IL18: variants seen among roughly 807,000 people sequenced by gnomAD.
IL18 encodes interleukin-18.
IL18 carries 8 observed loss-of-function variants against 14.2 expected under a neutral mutation model. The ratio of observed to expected loss-of-function variants is 0.56; its 90% CI spans 0.33 to 1.01. IL18 has a LOEUF of 1.01. Ranked by LOEUF, IL18 falls within the 50% of genes least tolerant of loss-of-function variation. The pLI is 0.03. For missense variants in IL18, 166 were observed against 231.1 expected (o/e 0.72, Z 1.83); for synonymous variants, 67 against 71.0 (o/e 0.94, Z 0.28).
At chr11:112,152,145 T>A (rs1340623951) in intron 3 of IL18, among the ~76,000 whole-genome samples, 1 of 152,154 alleles carries the variant, frequency 6.6e-6, no homozygotes, top group Non-Finnish European at 1.5e-5. Flanking sequence ...GCGTCATCCA[T>A]CCTCCTCTTT....
chr11:112,147,429 CTAT>C (rs953033453), intron 5 of IL18, among the ~76,000 whole-genome samples: 2 of 152,226 alleles, frequency 1.3e-5, no homozygotes, highest in Non-Finnish European at 2.9e-5. Flanking sequence ...GAGTTTTCCT[CTAT>C]CCCACATAGC....
At chr11:112,159,733 A>G (rs1201517454) in intron 1 of IL18, among the ~76,000 whole-genome samples, 1 of 152,236 alleles carries the variant, frequency 6.6e-6, no homozygotes, top group Non-Finnish European at 1.5e-5. Flanking sequence ...TAATTTACAT[A>G]TAAGCTTAAA....
intron 4 of IL18, 108 bp downstream of exon 4, chr11:112,149,964 T>G: frequency 9.8e-7 from 1 of 1,021,250 alleles, no homozygotes; most frequent in South Asian, 1.8e-5. Context: ...TTGTCACTCC[T>G]GTGACTTTTC....
In IL18 at chr11:112,143,677, T is replaced by C; in HGVS notation, c.501A>G (p.Arg167=). 1 of 1,612,566 alleles carries C rather than the reference T, an allele frequency of 6.2e-7. No homozygotes were observed. Residue 167 remains arginine (R), a synonymous_variant, in exon 6 of 6, where the codon AGA becomes AGG. Transcript: ENST00000280357. The part of the protein sequence containing the change: ...EGYFLACEKE[R]DLFKLILKKE... ...TTTTCAAAATGAGTTTAAAAAGGTC[T>C]CTCTCTTTTTCACAAGCTAGAAAGT...
chr11:112,163,600 T>TG (rs1291588827), intron 1 of IL18, among the ~76,000 whole-genome samples: 6 of 152,050 alleles, frequency 3.9e-5, no homozygotes, highest in Admixed American at 1.3e-4. Context: ...ATGCTTTTTT[T>TG]TTGTTGTTAA....
intron 3 of IL18, among the ~76,000 whole-genome samples, chr11:112,152,551 T>C (rs1357631152): frequency 6.6e-6 from 1 of 152,214 alleles, no homozygotes; most frequent in Admixed American, 6.5e-5. Flanking sequence ...TTCCTTGCAC[T>C]TGGTGTGGCC....
intron 5 of IL18, among the ~76,000 whole-genome samples, chr11:112,146,570 C>T (rs540141448): frequency 1.8e-4 from 28 of 152,314 alleles, no homozygotes; most frequent in Non-Finnish European, 2.6e-4. Flanking sequence ...GTGAGACACT[C>T]GCCTTGCCCT....
intron 3 of IL18, among the ~76,000 whole-genome samples, chr11:112,151,253 G>A (rs1459563821): frequency 6.6e-6 from 1 of 152,066 alleles, no homozygotes; most frequent in Non-Finnish European, 1.5e-5. Flanking sequence ...GCAATTACTC[G>A]TTGCCATGGA....
At chr11:112,162,249 A>G (rs1866644416) in intron 1 of IL18, among the ~76,000 whole-genome samples, 1 of 152,182 alleles carries the variant, frequency 6.6e-6, no homozygotes, top group African/African-American at 2.4e-5. Context: ...TTGAATAGAT[A>G]GAGAAGGCAA....
At chr11:112,160,312 C>CATT (rs113387619) in intron 1 of IL18, among the ~76,000 whole-genome samples, 1 of 138,080 alleles carries the variant, frequency 7.2e-6, no homozygotes, top group South Asian at 2.2e-4. Context: ...CTTCCCCTGC[C>CATT]TTTTTTTTTT....
chr11:112,158,955 G>A (rs1866581433), intron 1 of IL18, among the ~76,000 whole-genome samples: 1 of 151,870 alleles, frequency 6.6e-6, no homozygotes, highest in Non-Finnish European at 1.5e-5. Context: ...AGACTAAAGA[G>A]TTTGAACTGT....
intron 5 of IL18, among the ~76,000 whole-genome samples, chr11:112,147,450 T>C (rs1866362420): frequency 6.6e-6 from 1 of 152,222 alleles, no homozygotes; most frequent in Admixed American, 6.5e-5. Flanking sequence ...AGCTTGAGCT[T>C]GGCCATCTCC....
intron 2 of IL18, among the ~76,000 whole-genome samples, chr11:112,153,996 G>C (rs1592813508): frequency 6.6e-6 from 1 of 151,918 alleles, no homozygotes; most frequent in East Asian, 1.9e-4. Context: ...AGGGTCTACT[G>C]TCATGCAGGC....
chr11:112,148,604 T>C lies in IL18; in HGVS notation c.359A>G (p.Lys120Arg). Residue 120 changes from lysine to arginine, a missense_variant and splice_region_variant, in exon 5 of 6, where the codon AAG becomes AGG. Coordinates refer to ENST00000280357, the MANE Select transcript of IL18 (RefSeq NM_001562.4). ...LSCENKIISFKEMNPPDNIKD... is the reference protein window; with the variant it reads ...LSCENKIISFREMNPPDNIKD... ...AAACAAAGTAAGGCTCAGTCTTACC[T>C]TAAAGGAAATAATTTTGTTCTCACA... 1 of 1,483,922 alleles carries C rather than the reference T, an allele frequency of 6.7e-7. No homozygotes were observed. Among genetic ancestry groups the C allele is most frequent in the Middle Eastern group, 1.7e-4 (1 of 5,818 alleles). The allele number at this position is 1,483,922 out of a possible 1,614,324, so 91.9% of individuals were successfully genotyped here. A position where few individuals can be genotyped will look rare whatever the true frequency, so the allele number is the denominator to read the frequency against.
chr11:112,156,574 T>C (rs1866536121), intron 1 of IL18, among the ~76,000 whole-genome samples: 1 of 151,914 alleles, frequency 6.6e-6, no homozygotes, highest in East Asian at 1.9e-4. Flanking sequence ...GGGACTCCCA[T>C]CTGGGACCAC....
At chr11:112,160,687 A>AAT (rs1027635966) in intron 1 of IL18, among the ~76,000 whole-genome samples, 1 of 152,148 alleles carries the variant, frequency 6.6e-6, no homozygotes, top group African/African-American at 2.4e-5. Flanking sequence ...GGATGTGTAG[A>AAT]ATATATATAT....
intron 5 of IL18, 96 bp downstream of exon 5, chr11:112,148,507 A>G: frequency 6.3e-6 from 4 of 631,882 alleles, no homozygotes; most frequent in Non-Finnish European, 9.4e-6. Flanking sequence ...GAGTTTTCTA[A>G]TTACATTACT....
Position 112,150,079 on chromosome 11 carries a change from G to A in IL18, c.219C>T (p.Asp73=). ...GCGAATTAAAAAAAATACCTCTACA[G>A]TCAGAATCAGTCATATCTTCAAATA... is the stretch of plus-strand genomic sequence containing the variant. ...RPLFEDMTDS[D]CRDNAPRTIF... The change falls in exon 4 of 6, where the codon GAC becomes GAT. Residue 73 remains aspartate, a synonymous_variant. Coordinates refer to ENST00000280357, the MANE Select transcript of IL18 (RefSeq NM_001562.4). 6.3e-7 allele frequency: 1 copy of A among 1,597,570 alleles called. No individual in the cohort carries two copies. The highest frequency in any genetic ancestry group is 1.1e-5 in the South Asian group (1 of 87,212).
Position 112,149,944 on chromosome 11 carries a change from A to G in IL18, c.226+128T>C, listed in dbSNP as rs890206123. 7.8e-5 allele frequency: 69 copies of G among 884,324 alleles called. 1 individual carries two copies. The highest frequency in any genetic ancestry group is 2.1e-4 in the Admixed American group (8 of 38,672). 54.8% of individuals were successfully genotyped at this position (884,324 alleles called of 1,614,324 possible). On this transcript the variant is annotated intron_variant, in intron 4 of 5. Transcript: ENST00000280357. ...TGGATGCCTTATAAAGTTTCCTGTAAGTGAAATTATTGTCACTCCTGTGAC... is the reference window on the plus strand; with the variant it reads ...TGGATGCCTTATAAAGTTTCCTGTAGGTGAAATTATTGTCACTCCTGTGAC...
Sources: allele counts gnomAD v4.1 joint callset (sites outside exome capture counted in the v4.1 genomes callset), GRCh38; gene constraint gnomAD v4.1.1; transcripts MANE v1.5; gene names NCBI Gene and HGNC (gene_info 2026-07-23, HGNC 2026-07-21).